Variants in IPO11 observed in about 807,000 individuals in gnomAD.
IPO11 encodes the protein importin 11, also known as importin-11.
IPO11 carries 66 observed loss-of-function variants against 143.2 expected under a neutral mutation model. The observed-to-expected ratio is 0.46, with a 90% confidence interval of 0.38 to 0.57. The LOEUF is 0.57. Among genes scored for constraint, IPO11 ranks in the 20% least tolerant of loss-of-function variants. The pLI, the probability that IPO11 is intolerant of heterozygous loss-of-function variation, is 0.00. For synonymous variants in IPO11, 385 were observed against 377.8 expected, an observed-to-expected ratio of 1.02 and a Z score of -0.22; for missense variants, 1,026 against 1,141.0, an observed-to-expected ratio of 0.90 and a Z score of 1.45.
At chr5:62,525,198 T>C (rs1325147113) in intron 20 of IPO11, among the ~76,000 whole-genome samples, 2 of 152,198 alleles carry the variant, frequency 1.3e-5, no homozygotes, top group Non-Finnish European at 2.9e-5. Context: ...ATTAACAGTT[T>C]TTTCTGTTTG....
chr5:62,439,313 G>A lies in IPO11; in HGVS notation c.138+1896G>A, dbSNP rs139973320. 5.2e-3 allele frequency among the ~76,000 whole-genome samples: 551 copies of A among 106,442 alleles called. 6 individuals are homozygous for A. The highest frequency in any genetic ancestry group is 0.02 in the African/African-American group (532 of 26,034). 69.8% of individuals were successfully genotyped at this position (106,442 alleles called of 152,430 possible). Reference sequence around the variant, plus strand: ...TTTTTTTTTTTTTTTTTTTTGAGACGTCTCGCTCTGTCGCACAGGCTGGAG... The same window carrying A: ...TTTTTTTTTTTTTTTTTTTTGAGACATCTCGCTCTGTCGCACAGGCTGGAG... On this transcript the variant is annotated intron_variant, in intron 2 of 29. Coordinates refer to ENST00000325324, the MANE Select transcript of IPO11 (RefSeq NM_016338.5).
chr5:62,543,896 C>T (rs971683954), intron 24 of IPO11, among the ~76,000 whole-genome samples: 6 of 152,052 alleles, frequency 3.9e-5, no homozygotes, highest in Non-Finnish European at 5.9e-5. Flanking sequence ...TCATTGTTCT[C>T]GTTGGTTTCA....
At chr5:62,483,911 T>C in intron 10 of IPO11, 99 bp from the exon 11 acceptor site, 4 of 1,010,288 alleles carry the variant, frequency 4.0e-6, no homozygotes, top group Non-Finnish European at 5.8e-6. Context: ...AAGTGTATCT[T>C]CTTCCCTGAG....
chr5:62,528,863 T>C (rs994678348), intron 21 of IPO11, among the ~76,000 whole-genome samples: 11 of 152,140 alleles, frequency 7.2e-5, no homozygotes, highest in Non-Finnish European at 1.2e-4. Flanking sequence ...AGTTGATGCT[T>C]GGGGTCACGA....
intron 15 of IPO11, among the ~76,000 whole-genome samples, chr5:62,492,978 A>G (rs1241128205): frequency 6.6e-6 from 1 of 152,238 alleles, no homozygotes; most frequent in Non-Finnish European, 1.5e-5. Context: ...CATAATATCA[A>G]AAAGGTACTT....
chr5:62,579,510 A>C, intron 27 of IPO11: 5 of 1,550,736 alleles, frequency 3.2e-6, no homozygotes, highest in Non-Finnish European at 4.4e-6. Flanking sequence ...TTTTATTATT[A>C]CTCCACAAAG....
At chr5:62,451,646 G>A in intron 4 of IPO11, 84 bp from the exon 5 acceptor site, 1 of 1,018,164 alleles carries the variant, frequency 9.8e-7, no homozygotes, top group Non-Finnish European at 1.5e-6. Context: ...TTTGTCAAGT[G>A]TATAATTAAC....
chr5:62,466,567 G>A (rs1009254059), intron 5 of IPO11, among the ~76,000 whole-genome samples: 8 of 152,164 alleles, frequency 5.3e-5, no homozygotes, highest in African/African-American at 1.7e-4. Flanking sequence ...CTGCCTCAAA[G>A]TGTGAGGCAG....
intron 9 of IPO11, among the ~76,000 whole-genome samples, chr5:62,481,082 A>T (rs1370232288): frequency 6.7e-6 from 1 of 149,618 alleles, no homozygotes; most frequent in Non-Finnish European, 1.5e-5. Flanking sequence ...TGCCCGGCTA[A>T]TTTTTTTTTG....
chr5:62,594,355 T>C (rs1014982263), intron 28 of IPO11, among the ~76,000 whole-genome samples: 4 of 152,194 alleles, frequency 2.6e-5, no homozygotes, highest in Non-Finnish European at 5.9e-5. Flanking sequence ...CCAGTGGACC[T>C]CCATTGAGTA....
intron 11 of IPO11, among the ~76,000 whole-genome samples, chr5:62,484,633 G>T (rs1274471011): frequency 6.6e-6 from 1 of 150,988 alleles, no homozygotes; most frequent in East Asian, 1.9e-4. Flanking sequence ...AGTCTGTTGG[G>T]ACCCTTGCTA....
intron 26 of IPO11, among the ~76,000 whole-genome samples, chr5:62,551,788 G>C (rs963453659): frequency 5.3e-5 from 8 of 152,144 alleles, no homozygotes; most frequent in African/African-American, 1.9e-4. Context: ...GTTGATATCT[G>C]TTACCAGAGT....
intron 24 of IPO11, among the ~76,000 whole-genome samples, chr5:62,545,104 A>G (rs953457935): frequency 2.0e-5 from 3 of 152,176 alleles, no homozygotes; most frequent in African/African-American, 7.2e-5. Context: ...ACTACTTTAA[A>G]GTTCATATGG....
intron 20 of IPO11, among the ~76,000 whole-genome samples, chr5:62,519,794 T>C (rs942646603): frequency 1.3e-5 from 2 of 152,224 alleles, no homozygotes; most frequent in African/African-American, 4.8e-5. Flanking sequence ...TTGAGGTGAC[T>C]GCCAGAATAA....
At chr5:62,542,468 T>C (rs554232387) in intron 24 of IPO11, among the ~76,000 whole-genome samples, 1 of 152,304 alleles carries the variant, frequency 6.6e-6, no homozygotes, top group South Asian at 2.1e-4. Context: ...ACAATAGTTT[T>C]TAATATTAGC....
chr5:62,618,968 C>G lies in IPO11; in HGVS notation c.2764-8186C>G, dbSNP rs116678334. ...ATGACAGGCCGGGCTGGGTGGCTTA[C>G]GCCTGTAATGCCAGCACTTTGGGAG... On this transcript the variant is annotated intron_variant, in intron 29 of 29. Transcript: ENST00000325324. Among the ~76,000 whole-genome samples, 1,076 of 152,198 alleles carry G rather than the reference C, an allele frequency of 7.1e-3. 12 individuals are homozygous for G. The highest frequency in any genetic ancestry group is 0.024 in the African/African-American group (1,011 of 41,508).
At chr5:62,501,353 C>G (rs1741343056) in intron 16 of IPO11, among the ~76,000 whole-genome samples, 1 of 152,084 alleles carries the variant, frequency 6.6e-6, no homozygotes, top group Admixed American at 6.5e-5. Flanking sequence ...AATATAAATT[C>G]TGAAGGAAAT....
chr5:62,557,126 T>A (rs1743601050), intron 26 of IPO11, among the ~76,000 whole-genome samples: 1 of 152,174 alleles, frequency 6.6e-6, no homozygotes, highest in Admixed American at 6.5e-5. Flanking sequence ...CCTCAATGTG[T>A]TATCTAAACA....
At chr5:62,496,715 A>G (rs563608517) in intron 16 of IPO11, among the ~76,000 whole-genome samples, 1 of 152,348 alleles carries the variant, frequency 6.6e-6, no homozygotes, top group East Asian at 1.9e-4. Flanking sequence ...GCAAACATGC[A>G]TTTATATATA....
Sources: allele counts gnomAD v4.1 joint callset (sites outside exome capture counted in the v4.1 genomes callset), GRCh38; gene constraint gnomAD v4.1.1; transcripts MANE v1.5; gene names NCBI Gene and HGNC (gene_info 2026-07-23, HGNC 2026-07-21).